Variants in KIAA0232 observed in about 807,000 individuals in gnomAD.
KIAA0232 encodes uncharacterized protein KIAA0232.
KIAA0232 carries 27 observed loss-of-function variants against 122.0 expected under a neutral mutation model. The observed-to-expected ratio is 0.22, with a 90% CI of 0.16 to 0.31. The LOEUF (loss-of-function observed/expected upper bound fraction) is 0.31, where lower values mean the gene tolerates loss of function less well. Ranked by LOEUF, KIAA0232 falls within the 10% of genes least tolerant of loss-of-function variation. The pLI is 1.00. For synonymous variants in KIAA0232, 613 were observed against 587.6 expected (o/e 1.04, Z -0.63); for missense variants, 1,551 against 1,634.2 (o/e 0.95, Z 0.88).
Position 6,880,183 on chromosome 4 carries a change from G to A in KIAA0232, c.4009-604G>A, listed in dbSNP as rs4996395. On this transcript the variant is annotated intron_variant, in intron 9 of 9. Coordinates refer to ENST00000307659, the MANE Select transcript of KIAA0232 (RefSeq NM_014743.3). ...TGCAAACTCCCTTCCCAACACAGAG[G>A]TCTGCAGTGTCCCCTCACCATCTGT... Among the ~76,000 whole-genome samples, 6 of 30,412 alleles carry A rather than the reference G, an allele frequency of 2.0e-4. 1 individual carries two copies. Among genetic ancestry groups the A allele is most frequent in the African/African-American group, 1.1e-3 (6 of 5,286 alleles). 20.0% of individuals were successfully genotyped at this position (30,412 alleles called of 152,430 possible).
chr4:6,879,077 TCTC>T (rs747162075), intron 9 of KIAA0232, among the ~76,000 whole-genome samples: 14 of 151,892 alleles, frequency 9.2e-5, no homozygotes, highest in Non-Finnish European at 1.9e-4. Flanking sequence ...ATCTCCCACT[TCTC>T]CTCCTCTCCA....
chr4:6,869,347 G>A (rs16839415), intron 7 of KIAA0232, among the ~76,000 whole-genome samples: 2,622 of 152,254 alleles, frequency 0.017, 84 homozygotes, highest in African/African-American at 0.06. Flanking sequence ...CTTCAATAGC[G>A]CCTTAGGGAG....
chr4:6,852,217 C>G (rs17729055), intron 4 of KIAA0232, among the ~76,000 whole-genome samples: 29,762 of 151,960 alleles, frequency 0.2, 3,733 homozygotes, highest in Middle Eastern at 0.28. Flanking sequence ...GGATAGGAAT[C>G]ACAGCTCTCA....
At chr4:6,849,121 T>G (rs1163933312) in intron 4 of KIAA0232, among the ~76,000 whole-genome samples, 6 of 152,160 alleles carry the variant, frequency 3.9e-5, no homozygotes, top group Admixed American at 3.9e-4. Context: ...TGAGACTAAC[T>G]AAACACGGTG....
chr4:6,820,025 A>G (rs1163623458), intron 2 of KIAA0232, among the ~76,000 whole-genome samples: 1 of 152,186 alleles, frequency 6.6e-6, no homozygotes, highest in African/African-American at 2.4e-5. Flanking sequence ...GTGTGTTCTC[A>G]CTTAGAAGTG....
rs1385929090 is a variant in KIAA0232, at chr4:6,863,727, A to G, written c.3345A>G (p.Glu1115=). ...RTHFRPISAS[E]LSPGGGSESE... is the part of the protein sequence containing the mutation. ...ACTTTCGCCCAATTTCTGCATCCGAACTGTCCCCAGGAGGAGGAAGCGAGT... is the reference window on the plus strand; with the variant it reads ...ACTTTCGCCCAATTTCTGCATCCGAGCTGTCCCCAGGAGGAGGAAGCGAGT... The change falls in exon 7 of 10, where the codon GAA becomes GAG. Residue 1115 remains glutamate, a synonymous_variant. Transcript: ENST00000307659. 2 of 1,614,092 alleles carry G rather than the reference A, an allele frequency of 1.2e-6. No individual in the cohort carries two copies. The highest frequency in any genetic ancestry group is 1.7e-6 in the Non-Finnish European group (2 of 1,180,042).
intron 2 of KIAA0232, among the ~76,000 whole-genome samples, chr4:6,808,689 G>A (rs1203205214): frequency 6.6e-6 from 1 of 151,942 alleles, no homozygotes; most frequent in Non-Finnish European, 1.5e-5. Flanking sequence ...AAATTCCTAT[G>A]TTAGTTAGTC....
chr4:6,813,365 G>T (rs746087379), intron 2 of KIAA0232, among the ~76,000 whole-genome samples: 2,222 of 131,062 alleles, frequency 0.017, 18 homozygotes, highest in Middle Eastern at 0.076. Context: ...TTTTTTTTTT[G>T]TTTTTTGTTT....
chr4:6,831,317 G>A (rs915963786), intron 3 of KIAA0232, among the ~76,000 whole-genome samples: 18 of 152,162 alleles, frequency 1.2e-4, no homozygotes, highest in Non-Finnish European at 2.2e-4. Context: ...GCCTCCCAAA[G>A]CGCTGGGATT....
At chr4:6,875,737 C>CTTA (rs1453858599) in intron 8 of KIAA0232, among the ~76,000 whole-genome samples, 1 of 152,150 alleles carries the variant, frequency 6.6e-6, no homozygotes, top group East Asian at 1.9e-4. Context: ...TGTTAAAGGA[C>CTTA]TTAATGCACC....
At chr4:6,798,230 T>G (rs1033733884) in intron 1 of KIAA0232, among the ~76,000 whole-genome samples, 1 of 152,170 alleles carries the variant, frequency 6.6e-6, no homozygotes, top group African/African-American at 2.4e-5. Context: ...TCTTAATCCA[T>G]GAAATGGGAG....
intron 2 of KIAA0232, among the ~76,000 whole-genome samples, chr4:6,815,374 C>T (rs1412673197): frequency 1.3e-5 from 2 of 152,190 alleles, no homozygotes; most frequent in Non-Finnish European, 2.9e-5. Flanking sequence ...AGTCTCCTTT[C>T]AGTTCACAAC....
intron 5 of KIAA0232, among the ~76,000 whole-genome samples, chr4:6,857,639 CATTAA>C (rs1720632027): frequency 6.6e-6 from 1 of 152,154 alleles, no homozygotes; most frequent in Non-Finnish European, 1.5e-5. Context: ...TAAATTACGA[CATTAA>C]ATTAAGATGT....
Position 6,861,040 on chromosome 4 carries a change from T to C in KIAA0232, c.658T>C (p.Ser220Pro), listed in dbSNP as rs1577406049. The C allele has an allele frequency of 1.2e-6, 2 of 1,614,148 alleles. No homozygotes were observed. Among genetic ancestry groups the C allele is most frequent in the East Asian group, 4.5e-5 (2 of 44,882 alleles). Residue 220 changes from serine (S) to proline (P), a missense_variant, in exon 7 of 10, where the codon TCC (serine) becomes CCC (proline). Physicochemically the swap from Ser to Pro is moderately conservative, Grantham distance 74. Transcript: ENST00000307659. ...AGCCCCACCAGCTAGCACAGATACT[T>C]CCTCTCCTAAGGACTGCAACAGTGA... Reference protein sequence around the residue: ...STAPPASTDTSSPKDCNSESE... With the variant: ...STAPPASTDTPSPKDCNSESE...
At chr4:6,875,301 A>C (rs149647147) in intron 8 of KIAA0232, among the ~76,000 whole-genome samples, 74 of 152,374 alleles carry the variant, frequency 4.9e-4, no homozygotes, top group African/African-American at 1.7e-3. Context: ...TGATGTTCTC[A>C]TCTTAGAGAT....
At chr4:6,835,605 T>C (rs1395730508) in intron 3 of KIAA0232, among the ~76,000 whole-genome samples, 4 of 152,214 alleles carry the variant, frequency 2.6e-5, no homozygotes, top group African/African-American at 9.6e-5. Flanking sequence ...CTCCTAACGC[T>C]ATCCCTCCCC....
rs1224566028 is a variant in KIAA0232 at position 6,862,241 on chromosome 4, G to T, written c.1859G>T (p.Ser620Ile). ...GTTAGACTCTCTCCCATCTTAGACA[G>T]CACAGTGCTCAATTCACACCTGCTT... ...SPVRLSPILD[S>I]TVLNSHLLAG... The change falls in exon 7 of 10, where the codon AGC becomes ATC. Residue 620 changes from serine (S) to isoleucine (I), a missense_variant. This residue lies in a region of KIAA0232 where 1,108 missense variants were observed against 1,154.8 expected (regional missense o/e 0.96). Transcript: ENST00000307659. The T allele has an allele frequency of 3.7e-6, 6 of 1,614,000 alleles. No individual in the cohort carries two copies. In the Admixed American group the frequency reaches 1.0e-4, roughly 27 times the overall value.
At chr4:6,807,078 CTATT>C (rs58938865) in intron 2 of KIAA0232, among the ~76,000 whole-genome samples, 1,985 of 138,866 alleles carry the variant, frequency 0.014, 43 homozygotes, top group African/African-American at 0.048. Flanking sequence ...ATCTATCTAT[CTATT>C]TAAGACAGGG....
In KIAA0232 at chr4:6,791,315, C is replaced by CTTTTT. The variant is rs10716163; in HGVS notation, c.-354+8498_-354+8502dup. Among the ~76,000 whole-genome samples, 292 of 82,668 alleles carry CTTTTT rather than the reference C, an allele frequency of 3.5e-3. 69 individuals are homozygous for CTTTTT. The highest frequency in any genetic ancestry group is 0.018 in the African/African-American group (280 of 15,554). 54.2% of individuals were successfully genotyped at this position (82,668 alleles called of 152,430 possible). On this transcript the variant is annotated intron_variant, in intron 1 of 9. Transcript: ENST00000307659. ...GGAATACAAGTAGCTGTCATAAAGC[C>CTTTTT]TTTTTTTTTTTTTTTTTTTTTTTTT...
Sources: allele counts gnomAD v4.1 joint callset (sites outside exome capture counted in the v4.1 genomes callset), GRCh38; gene constraint gnomAD v4.1.1; regional missense constraint gnomAD v4.1.1; transcripts MANE v1.5; gene names NCBI Gene and HGNC (gene_info 2026-07-23, HGNC 2026-07-21).